Variants in SMCO4 observed in about 807,000 individuals in gnomAD.
SMCO4 encodes the protein single-pass membrane protein with coiled-coil domains 4.
SMCO4 carries 4 observed loss-of-function variants against 3.6 expected under a neutral mutation model. The observed-to-expected ratio is 1.11, with a 90% CI of 0.54 to 2.53. The LOEUF (loss-of-function observed/expected upper bound fraction) is 2.53. Among genes scored for constraint, SMCO4 ranks in the 30% most tolerant of loss-of-function variants. The pLI, the probability that SMCO4 is intolerant of heterozygous loss-of-function variation, is 0.02. For synonymous variants in SMCO4, 36 were observed against 35.3 expected (o/e 1.02, Z -0.07); for missense variants, 70 against 80.8 (o/e 0.87, Z 0.51).
intron 2 of SMCO4, among the ~76,000 whole-genome samples, chr11:93,482,349 T>C (rs998507824): frequency 3.9e-5 from 6 of 152,184 alleles, no homozygotes; most frequent in South Asian, 4.1e-4. Flanking sequence ...AAGAAGCGCA[T>C]TGAGTGCTCT....
intron 1 of SMCO4, among the ~76,000 whole-genome samples, chr11:93,521,953 T>C (rs903094951): frequency 6.6e-6 from 1 of 152,348 alleles, no homozygotes; most frequent in African/African-American, 2.4e-5. Flanking sequence ...CACACAGCCT[T>C]ACTGTGTGTC....
At chr11:93,513,396 A>G (rs1332289404) in intron 1 of SMCO4, among the ~76,000 whole-genome samples, 2 of 152,194 alleles carry the variant, frequency 1.3e-5, no homozygotes, top group Non-Finnish European at 2.9e-5. Context: ...CCATTCTACT[A>G]TTTTTTTATT....
At chr11:93,534,897 G>C (rs951236165) in intron 1 of SMCO4, among the ~76,000 whole-genome samples, 4 of 152,182 alleles carry the variant, frequency 2.6e-5, no homozygotes, top group Admixed American at 1.3e-4. Flanking sequence ...TCTCCCCAGA[G>C]CATCCTGCTA....
chr11:93,513,425 G>GA (rs1948976960), intron 1 of SMCO4, among the ~76,000 whole-genome samples: 1 of 152,184 alleles, frequency 6.6e-6, no homozygotes, highest in Non-Finnish European at 1.5e-5. Flanking sequence ...TGATGGGGGG[G>GA]AACCCCTAAA....
At chr11:93,507,878 C>A (rs2134606257) in intron 1 of SMCO4, among the ~76,000 whole-genome samples, 1 of 152,240 alleles carries the variant, frequency 6.6e-6, no homozygotes, top group South Asian at 2.1e-4. Context: ...TTATGAGACT[C>A]CAGCTGTCTT....
At chr11:93,496,449 A>G (rs1476101442) in intron 2 of SMCO4, among the ~76,000 whole-genome samples, 3 of 152,184 alleles carry the variant, frequency 2.0e-5, no homozygotes, top group Non-Finnish European at 4.4e-5. Context: ...ACTATGGTAG[A>G]AGTAGACCAA....
At chr11:93,542,475 T>TA (rs1949278774) in intron 1 of SMCO4, among the ~76,000 whole-genome samples, 1 of 152,150 alleles carries the variant, frequency 6.6e-6, no homozygotes, top group African/African-American at 2.4e-5. Context: ...AAACATCTCA[T>TA]CCGCTCAGCT....
intron 1 of SMCO4, among the ~76,000 whole-genome samples, chr11:93,518,550 T>C (rs1314771631): frequency 6.6e-6 from 1 of 152,212 alleles, no homozygotes; most frequent in African/African-American, 2.4e-5. Context: ...TTTTTAAAAT[T>C]TGAAATTCTG....
chr11:93,494,464 C>T (rs74503446), intron 2 of SMCO4, among the ~76,000 whole-genome samples: 1,896 of 152,264 alleles, frequency 0.012, 36 homozygotes, highest in African/African-American at 0.043. Flanking sequence ...AAATTCAAGA[C>T]CTCACTGACG....
intron 1 of SMCO4, among the ~76,000 whole-genome samples, chr11:93,529,338 AG>A (rs1949141569): frequency 6.6e-6 from 1 of 152,172 alleles, no homozygotes; most frequent in African/African-American, 2.4e-5. Flanking sequence ...GGGAGGAAGG[AG>A]GGGCCCCAAA....
chr11:93,504,748 C>T (rs1264803528), intron 1 of SMCO4, among the ~76,000 whole-genome samples: 2 of 152,112 alleles, frequency 1.3e-5, no homozygotes, highest in East Asian at 3.8e-4. Context: ...TTAACATTTT[C>T]CCCAACGTGT....
chr11:93,551,862 A>G, the SMCO4 span, among the ~76,000 whole-genome samples: 1 of 152,182 alleles, frequency 6.6e-6, no homozygotes, highest in African/African-American at 2.4e-5. Context: ...GATGGAAAGA[A>G]AATGGTATGA....
At chr11:93,524,408 T>C (rs1379729624) in intron 1 of SMCO4, among the ~76,000 whole-genome samples, 1 of 152,132 alleles carries the variant, frequency 6.6e-6, no homozygotes, top group Non-Finnish European at 1.5e-5. Context: ...ACAGGCATCT[T>C]CTCGGTTGTG....
intron 1 of SMCO4, chr11:93,535,392 A>G (rs1031395645): frequency 3.5e-6 from 3 of 847,330 alleles, no homozygotes; most frequent in African/African-American, 1.7e-5. Flanking sequence ...GATCTCAGCA[A>G]TAAGAATCAA....
In SMCO4 at chr11:93,479,175, T is replaced by C. The variant is rs1039785592; in HGVS notation, c.15A>G (p.Lys5=). 5 of 1,613,784 alleles carry C rather than the reference T, an allele frequency of 3.1e-6. No individual in the cohort carries two copies. The African/African-American group carries it at 4.0e-5, about 13-fold the overall frequency. The change falls in exon 3 of 3, where the codon AAA becomes AAG. Residue 5 remains lysine (K), a synonymous_variant. Coordinates refer to ENST00000298966, the MANE Select transcript of SMCO4 (RefSeq NM_020179.3). The stretch of plus-strand genomic sequence containing the variant: ...TGGAGGTCTCCTTCTTGGGCTTCCC[T>C]TTGAGCTGCCGCATCTTTCCTAGAG... MRQL[K]GKPKKETSKD...
the SMCO4 span, among the ~76,000 whole-genome samples, chr11:93,550,740 G>A: frequency 2.0e-5 from 3 of 152,008 alleles, no homozygotes; most frequent in Non-Finnish European, 4.4e-5. Context: ...AAACAAAAAT[G>A]GAACTGTTGG....
intron 1 of SMCO4, among the ~76,000 whole-genome samples, chr11:93,518,283 T>C (rs1443879482): frequency 6.6e-6 from 1 of 152,240 alleles, no homozygotes; most frequent in Non-Finnish European, 1.5e-5. Flanking sequence ...CTGTACATCA[T>C]TCCTTTTTAT....
At chr11:93,508,768 T>G (rs1166306151) in intron 1 of SMCO4, among the ~76,000 whole-genome samples, 1 of 151,874 alleles carries the variant, frequency 6.6e-6, no homozygotes, top group Non-Finnish European at 1.5e-5. Flanking sequence ...AAAGAAGTAG[T>G]GAGGAGAGAA....
At chr11:93,532,030 T>C (rs1949167686) in intron 1 of SMCO4, among the ~76,000 whole-genome samples, 1 of 152,320 alleles carries the variant, frequency 6.6e-6, no homozygotes, top group Admixed American at 6.5e-5. Flanking sequence ...CCCTAAAATG[T>C]ATAAAACCAA....
Sources: allele counts gnomAD v4.1 joint callset (sites outside exome capture counted in the v4.1 genomes callset), GRCh38; gene constraint gnomAD v4.1.1; transcripts MANE v1.5; gene names NCBI Gene and HGNC (gene_info 2026-07-23, HGNC 2026-07-21).